Variants in NTM observed in about 807,000 individuals in gnomAD.
NTM encodes neurotrimin, also known as IgLON family member 2.
Under a neutral mutation model 42.1 loss-of-function variants are expected in NTM, and 13 were observed. The ratio of observed to expected loss-of-function variants is 0.31; its 90% CI spans 0.20 to 0.49. NTM has a LOEUF of 0.49. NTM is among the 20% of genes least tolerant of loss of function. The probability of loss-of-function intolerance (pLI) is 0.99; values close to 1 mark genes in which losing one functional copy is unlikely to be tolerated. For synonymous variants in NTM, 187 were observed against 179.2 expected, an observed-to-expected ratio of 1.04 and a Z score of -0.35; for missense variants, 373 against 452.8, an observed-to-expected ratio of 0.82 and a Z score of 1.60.
intron 1 of NTM, among the ~76,000 whole-genome samples, chr11:131,732,785 G>A (rs1441388452): frequency 6.6e-6 from 1 of 152,102 alleles, no homozygotes; most frequent in African/African-American, 2.4e-5. Flanking sequence ...TCTTTTGCTA[G>A]GATACAGAAT....
At chr11:132,257,852 C>T (rs777727099) in intron 4 of NTM, among the ~76,000 whole-genome samples, 1 of 152,172 alleles carries the variant, frequency 6.6e-6, no homozygotes, top group African/African-American at 2.4e-5. Flanking sequence ...CTCCCTGCTC[C>T]CCGTGAGACA....
At chr11:131,999,932 TCTC>T (rs764700097) in intron 2 of NTM, among the ~76,000 whole-genome samples, 2 of 152,156 alleles carry the variant, frequency 1.3e-5, no homozygotes, top group East Asian at 1.9e-4. Flanking sequence ...CTCTTCTTCC[TCTC>T]CTCCTCCCCT....
intron 4 of NTM, among the ~76,000 whole-genome samples, chr11:132,217,071 C>T (rs1447328262): frequency 1.3e-5 from 2 of 152,160 alleles, no homozygotes; most frequent in East Asian, 3.9e-4. Flanking sequence ...TCATGGCTGC[C>T]TCATTGCAAC....
intron 4 of NTM, among the ~76,000 whole-genome samples, chr11:132,218,109 T>C (rs745321489): frequency 9.9e-5 from 15 of 152,018 alleles, no homozygotes; most frequent in Non-Finnish European, 2.2e-4. Flanking sequence ...GAGCAGCCTG[T>C]CAGCACCAGC....
chr11:131,879,148 C>T (rs1274509038), intron 1 of NTM, among the ~76,000 whole-genome samples: 2 of 152,170 alleles, frequency 1.3e-5, no homozygotes, highest in African/African-American at 4.8e-5. Context: ...TCTCCTCCTA[C>T]CTCTCAGCAA....
At chr11:131,984,422 C>T (rs901734609) in intron 2 of NTM, 4 of 152,182 alleles carry the variant, frequency 2.6e-5, no homozygotes, top group Admixed American at 6.5e-5. Context: ...ATTTTTGCCC[C>T]GGCAGTGGAG....
rs555406582 is a variant in NTM at position 131,421,524 on chromosome 11, A to G, written c.82+50636A>G. 2.0e-5 allele frequency among the ~76,000 whole-genome samples: 3 copies of G among 152,330 alleles called. No homozygotes were observed. The East Asian group carries it at 5.8e-4, about 29-fold the overall frequency. ...TAACCCTCCAGAAAGGCATCCAGGAACAGGGGCTTAATTAGGACTCATTTA... is the reference window on the plus strand; with the variant it reads ...TAACCCTCCAGAAAGGCATCCAGGAGCAGGGGCTTAATTAGGACTCATTTA... On this transcript the variant is annotated intron_variant, in intron 1 of 8. Transcript: ENST00000683400.
chr11:132,022,399 A>G (rs2074482164), intron 2 of NTM, among the ~76,000 whole-genome samples: 3 of 152,170 alleles, frequency 2.0e-5, no homozygotes, highest in Non-Finnish European at 4.4e-5. Flanking sequence ...CTGTTCTCAG[A>G]CATTTATATT....
At chr11:132,314,746 G>C in intron 7 of NTM, 43 bp downstream of exon 7, 1 of 1,577,872 alleles carries the variant, frequency 6.3e-7, no homozygotes, top group Non-Finnish European at 8.6e-7. Flanking sequence ...GGGAGAGGGT[G>C]CAGAACGGGA....
chr11:132,057,673 T>C (rs908054716), intron 2 of NTM, among the ~76,000 whole-genome samples: 4 of 152,196 alleles, frequency 2.6e-5, no homozygotes, highest in African/African-American at 9.7e-5. Flanking sequence ...ACACTGCAGA[T>C]GCTTAATTTG....
At chr11:131,577,080 T>A (rs2058007775) in intron 1 of NTM, among the ~76,000 whole-genome samples, 1 of 152,210 alleles carries the variant, frequency 6.6e-6, no homozygotes, top group Non-Finnish European at 1.5e-5. Context: ...TTTTGGCTCT[T>A]CTGATTACTG....
Position 132,071,062 on chromosome 11 carries a change from C to T in NTM, c.168-75220C>T, listed in dbSNP as rs1370801215. ...AGCCAAGTTAACACGTCACACTGAC[C>T]GTCACAGGTTAGTTAACACGTCACA... On this transcript the variant is annotated intron_variant, in intron 2 of 8. Transcript: ENST00000683400. Among the ~76,000 whole-genome samples the T allele has an allele frequency of 4.3e-5, 6 of 140,698 alleles. 1 individual carries two copies. Among genetic ancestry groups the T allele is most frequent in the East Asian group, 2.2e-4 (1 of 4,648 alleles). The allele number at this position is 140,698 out of a possible 152,430, so 92.3% of individuals were successfully genotyped here.
chr11:132,147,686 C>T (rs1053852673), intron 3 of NTM, among the ~76,000 whole-genome samples: 1 of 152,044 alleles, frequency 6.6e-6, no homozygotes, highest in Non-Finnish European at 1.5e-5. Flanking sequence ...GTGCTGGAGC[C>T]CTTTCCCAGG....
intron 1 of NTM, among the ~76,000 whole-genome samples, chr11:131,566,034 G>A (rs1357372702): frequency 6.6e-6 from 1 of 152,210 alleles, no homozygotes; most frequent in Admixed American, 6.5e-5. Flanking sequence ...GAATGAAAAT[G>A]TGATGTCGAT....
intron 1 of NTM, among the ~76,000 whole-genome samples, chr11:131,510,702 G>C (rs2048115773): frequency 6.6e-6 from 1 of 152,156 alleles, no homozygotes; most frequent in Admixed American, 6.5e-5. Flanking sequence ...TTTGTAACTG[G>C]ATGAACAAAT....
intron 3 of NTM, among the ~76,000 whole-genome samples, chr11:132,167,514 G>T (rs1238014119): frequency 5.9e-5 from 9 of 152,186 alleles, no homozygotes; most frequent in Non-Finnish European, 1.3e-4. Flanking sequence ...GCAAACAAAT[G>T]GGAGTAGCCA....
intron 1 of NTM, among the ~76,000 whole-genome samples, chr11:131,633,756 C>CCTCT (rs2064001570): frequency 2.6e-5 from 1 of 38,476 alleles, no homozygotes; most frequent in Non-Finnish European, 5.4e-5. Flanking sequence ...TCTCTCCCTC[C>CCTCT]CTCTCTCTCC....
intron 1 of NTM, among the ~76,000 whole-genome samples, chr11:131,576,538 C>T (rs962332351): frequency 2.6e-5 from 4 of 152,164 alleles, no homozygotes; most frequent in Admixed American, 1.3e-4. Flanking sequence ...CTCAACTAGA[C>T]ACACTGGAGA....
intron 2 of NTM, among the ~76,000 whole-genome samples, chr11:132,031,509 G>T (rs1339703801): frequency 6.6e-6 from 1 of 152,124 alleles, no homozygotes; most frequent in African/African-American, 2.4e-5. Context: ...TCGAGAATTG[G>T]TTGGTAGATT....
Sources: gnomAD v4.1 joint callset for allele counts (sites outside exome capture counted in the v4.1 genomes callset) on GRCh38, gnomAD v4.1.1 for gene constraint, MANE v1.5 for transcripts, NCBI Gene and HGNC (gene_info 2026-07-23, HGNC 2026-07-21) for gene names.